The following PIK3C2G variants were observed in gnomAD, a reference collection of about 807,000 sequenced individuals.
The protein encoded by PIK3C2G is phosphatidylinositol-4-phosphate 3-kinase catalytic subunit type 2 gamma.
Under a neutral mutation model 181.1 loss-of-function variants are expected in PIK3C2G, and 168 were observed. The observed-to-expected ratio is 0.93, with a 90% CI of 0.82 to 1.05. The LOEUF (loss-of-function observed/expected upper bound fraction) is 1.05. Ranked by LOEUF, PIK3C2G falls within the 50% of genes least tolerant of loss-of-function variation. The pLI is 0.00. For missense variants in PIK3C2G, 1,869 were observed against 1,732.8 expected (o/e 1.08, Z -1.40); for synonymous variants, 573 against 592.2 (o/e 0.97, Z 0.47).
rs555478602 is a variant in PIK3C2G, at chr12:18,628,876, G to A, written c.4183-11553G>A. Reference sequence around the variant, plus strand: ...GGAGGCTGAGGCAGGAGGATTTTTTGAGCCAGAGAGTTGGAAGCCAGCTGA... The same window carrying A: ...GGAGGCTGAGGCAGGAGGATTTTTTAAGCCAGAGAGTTGGAAGCCAGCTGA... On this transcript the variant is annotated intron_variant, in intron 31 of 32. Coordinates refer to ENST00000538779, the MANE Select transcript of PIK3C2G (RefSeq NM_001288772.2). 2.6e-5 allele frequency among the ~76,000 whole-genome samples: 4 copies of A among 152,184 alleles called. No individual in the cohort carries two copies. In the South Asian group the frequency reaches 8.3e-4, roughly 32 times the overall value.
At chr12:18,619,966 C>T (rs1263664439) in intron 31 of PIK3C2G, among the ~76,000 whole-genome samples, 1 of 151,952 alleles carries the variant, frequency 6.6e-6, no homozygotes, top group African/African-American at 2.4e-5. Flanking sequence ...CCTCGTGATC[C>T]GCCCACCACG....
At chr12:18,703,096 T>C in the PIK3C2G span, among the ~76,000 whole-genome samples, 1 of 152,202 alleles carries the variant, frequency 6.6e-6, no homozygotes, top group Admixed American at 6.5e-5. Flanking sequence ...GGGATTCTCT[T>C]CCAAGAAAGC....
At chr12:18,657,053 T>G in the PIK3C2G span, among the ~76,000 whole-genome samples, 1 of 152,142 alleles carries the variant, frequency 6.6e-6, no homozygotes, top group African/African-American at 2.4e-5. Flanking sequence ...TGTTTTGACT[T>G]GGCTAGTGAT....
chr12:18,341,549 A>G (rs11044032), intron 9 of PIK3C2G, among the ~76,000 whole-genome samples: 5,559 of 152,236 alleles, frequency 0.037, 339 homozygotes, highest in African/African-American at 0.13. Context: ...TTCTGTAAAA[A>G]CTGGGTCCCA....
At chr12:18,539,176 T>C (rs1466326257) in intron 25 of PIK3C2G, among the ~76,000 whole-genome samples, 1 of 151,920 alleles carries the variant, frequency 6.6e-6, no homozygotes, top group Non-Finnish European at 1.5e-5. Context: ...TCAATCCTAG[T>C]TTGGCATTTT....
chr12:18,553,758 G>A (rs1436983591), intron 26 of PIK3C2G, among the ~76,000 whole-genome samples: 1 of 152,054 alleles, frequency 6.6e-6, no homozygotes, highest in Non-Finnish European at 1.5e-5. Flanking sequence ...GTTCAAGAGA[G>A]CACCACAAGT....
intron 26 of PIK3C2G, among the ~76,000 whole-genome samples, chr12:18,556,283 G>A (rs114078473): frequency 0.037 from 5,702 of 152,138 alleles, 222 homozygotes; most frequent in African/African-American, 0.099. Flanking sequence ...GCCTGAAACC[G>A]ACTACACTCA....
chr12:18,268,660 T>A (rs1205956990), intron 1 of PIK3C2G, among the ~76,000 whole-genome samples: 3 of 152,210 alleles, frequency 2.0e-5, no homozygotes, highest in African/African-American at 7.2e-5. Context: ...ATACTTGTTT[T>A]AAATAGTGAA....
intron 24 of PIK3C2G, among the ~76,000 whole-genome samples, chr12:18,528,101 C>T (rs1213576649): frequency 1.3e-5 from 2 of 152,106 alleles, no homozygotes; most frequent in Non-Finnish European, 2.9e-5. Context: ...TCATATTGTA[C>T]ATGTGAGGTT....
chr12:18,457,135 C>T (rs1442302929), intron 18 of PIK3C2G, among the ~76,000 whole-genome samples: 1 of 152,080 alleles, frequency 6.6e-6, no homozygotes, highest in Non-Finnish European at 1.5e-5. Flanking sequence ...CAAGACCAAA[C>T]TGGAGCCATG....
chr12:18,442,030 T>C (rs1946772080), intron 18 of PIK3C2G, among the ~76,000 whole-genome samples: 1 of 152,158 alleles, frequency 6.6e-6, no homozygotes, highest in East Asian at 1.9e-4. Flanking sequence ...AAACTTAGAA[T>C]AGAAATTAGT....
Position 18,491,454 on chromosome 12 carries a change from G to A in PIK3C2G, c.2689G>A (p.Val897Ile), listed in dbSNP as rs762236779. The stretch of plus-strand genomic sequence containing the variant: ...TTTTTCTAATGATTTTTCACAGGAG[G>A]TACTGAAGAAAGAAATTGGCAGACT... ...KSASDHQRQE[V>I]LKKEIGRLEE... Residue 897 changes from valine to isoleucine, a missense_variant, in exon 20 of 33, where the codon GTA becomes ATA. Physicochemically the swap from Val to Ile is conservative, Grantham distance 29 (BLOSUM62 3). Coordinates refer to ENST00000538779, the MANE Select transcript of PIK3C2G (RefSeq NM_001288772.2). 16 of 1,507,760 alleles carry A rather than the reference G, an allele frequency of 1.1e-5. No homozygotes were observed. In the African/African-American group the frequency reaches 2.2e-4, roughly 21 times the overall value. The allele number at this position is 1,507,760 out of a possible 1,614,324, so 93.4% of individuals were successfully genotyped here.
At chr12:18,623,481 G>A (rs569907343) in intron 31 of PIK3C2G, among the ~76,000 whole-genome samples, 1 of 151,574 alleles carries the variant, frequency 6.6e-6, no homozygotes, top group African/African-American at 2.4e-5. Flanking sequence ...ATGCCTCAGG[G>A]TTTGTTCTTT....
At chr12:18,497,893 G>C in intron 22 of PIK3C2G, 145 bp downstream of exon 22, 1 of 503,688 alleles carries the variant, frequency 2.0e-6, no homozygotes, top group Non-Finnish European at 3.2e-6. Flanking sequence ...TTTTTTTAAA[G>C]AATTATTTTC....
chr12:18,311,118 A>G (rs1240706523), intron 5 of PIK3C2G, among the ~76,000 whole-genome samples: 1 of 151,278 alleles, frequency 6.6e-6, no homozygotes, highest in Non-Finnish European at 1.5e-5. Context: ...GAAAAAAATC[A>G]TAGAGGAAAA....
the PIK3C2G span, among the ~76,000 whole-genome samples, chr12:18,721,003 G>T: frequency 1.3e-5 from 2 of 151,950 alleles, no homozygotes; most frequent in African/African-American, 4.8e-5. Flanking sequence ...AATTTTTATA[G>T]GTATACAAAC....
intron 31 of PIK3C2G, among the ~76,000 whole-genome samples, chr12:18,630,293 G>A (rs1042728076): frequency 6.6e-6 from 1 of 152,132 alleles, no homozygotes; most frequent in Non-Finnish European, 1.5e-5. Flanking sequence ...TTGGGAGGCT[G>A]AGGCAGGAGA....
intron 13 of PIK3C2G, among the ~76,000 whole-genome samples, 198 bp from the exon 14 acceptor site, chr12:18,381,568 C>T (rs1204674764): frequency 6.6e-6 from 1 of 152,116 alleles, no homozygotes; most frequent in Non-Finnish European, 1.5e-5. Flanking sequence ...ATGAAAATAG[C>T]CAAGCATGTG....
the PIK3C2G span, among the ~76,000 whole-genome samples, chr12:18,672,187 G>C: frequency 6.6e-6 from 1 of 152,154 alleles, no homozygotes; most frequent in African/African-American, 2.4e-5. Context: ...ACATTTCTCA[G>C]TTTGGCAGAA....
Sources: allele counts gnomAD v4.1 joint callset (sites outside exome capture counted in the v4.1 genomes callset), GRCh38; gene constraint gnomAD v4.1.1; transcripts MANE v1.5; gene names NCBI Gene and HGNC (gene_info 2026-07-23, HGNC 2026-07-21).